FILIP1: variants seen among roughly 807,000 people sequenced by gnomAD.
FILIP1 encodes filamin A interacting protein 1.
Under a neutral mutation model 102.1 loss-of-function variants are expected in FILIP1, and 61 were observed. The observed-to-expected ratio is 0.60, with a 90% CI of 0.49 to 0.74. The LOEUF is 0.74. Ranked by LOEUF, FILIP1 falls within the 30% of genes least tolerant of loss-of-function variation. The probability of loss-of-function intolerance (pLI) is 0.00; values close to 1 mark genes in which losing one functional copy is unlikely to be tolerated. For missense variants in FILIP1, 1,314 were observed against 1,441.2 expected (o/e 0.91, Z 1.43); for synonymous variants, 491 against 526.9 (o/e 0.93, Z 0.93).
intron 2 of FILIP1, among the ~76,000 whole-genome samples, chr6:75,365,632 C>A (rs1464404347): frequency 3.9e-5 from 6 of 152,244 alleles, no homozygotes; most frequent in Middle Eastern, 3.4e-3. Context: ...GGTGATCTGC[C>A]CGCCTCGGCC....
intron 2 of FILIP1, among the ~76,000 whole-genome samples, chr6:75,410,548 T>G (rs1451799884): frequency 3.3e-5 from 5 of 152,054 alleles, no homozygotes; most frequent in African/African-American, 9.7e-5. Flanking sequence ...TCCATTCCCT[T>G]GCCCTGCAAC....
chr6:75,483,927 T>C (rs1779715540), intron 1 of FILIP1, among the ~76,000 whole-genome samples: 2 of 152,136 alleles, frequency 1.3e-5, no homozygotes, highest in Admixed American at 1.3e-4. Context: ...ATCTGTAAAA[T>C]ATATAGTATA....
chr6:75,405,657 G>C (rs941176192), intron 2 of FILIP1, among the ~76,000 whole-genome samples: 1 of 152,166 alleles, frequency 6.6e-6, no homozygotes, highest in African/African-American at 2.4e-5. Context: ...GAGGGGAAGG[G>C]CTTCTTATCC....
chr6:75,336,345 T>C (rs1774241755), intron 4 of FILIP1, among the ~76,000 whole-genome samples: 1 of 152,166 alleles, frequency 6.6e-6, no homozygotes, highest in African/African-American at 2.4e-5. Flanking sequence ...AGGGCTGTTA[T>C]GAGAATTAAA....
chr6:75,460,724 G>A (rs1778997165), intron 1 of FILIP1, among the ~76,000 whole-genome samples: 1 of 152,106 alleles, frequency 6.6e-6, no homozygotes, highest in Non-Finnish European at 1.5e-5. Context: ...CCTCATTATA[G>A]GTTTTTGTGC....
chr6:75,364,515 C>T (rs1014801999), intron 2 of FILIP1, among the ~76,000 whole-genome samples: 2 of 152,178 alleles, frequency 1.3e-5, no homozygotes, highest in Non-Finnish European at 2.9e-5. Context: ...TGCTATTGGT[C>T]TTCAGGCAGA....
chr6:75,474,925 TCTCTC>T (rs1338718130), intron 1 of FILIP1, among the ~76,000 whole-genome samples: 3 of 151,874 alleles, frequency 2.0e-5, no homozygotes, highest in South Asian at 2.1e-4. Flanking sequence ...CCCACCCCCT[TCTCTC>T]CTGCTCCTGC....
At chr6:75,486,054 C>T (rs1779780350) in intron 1 of FILIP1, among the ~76,000 whole-genome samples, 1 of 151,510 alleles carries the variant, frequency 6.6e-6, no homozygotes, top group Non-Finnish European at 1.5e-5. Context: ...GTATTGCTAC[C>T]AACAACGGGG....
chr6:75,313,080 G>C lies in FILIP1; in HGVS notation c.2752C>G (p.His918Asp), dbSNP rs745925832. The C allele has an allele frequency of 5.0e-6, 8 of 1,614,178 alleles. No individual in the cohort carries two copies. The Admixed American group carries it at 1.2e-4, about 24-fold the overall frequency. ...TCCAAAGTCGCAGTGCTGTTCTCGT[G>C]GTCTGGTGTCACTCGAATATGCAGG... ...QPLHIRVTPD[H>D]ENSTATLEIT... Residue 918 changes from histidine (H) to aspartate (D), a missense_variant, in exon 5 of 6, where the codon CAC (histidine) becomes GAC (aspartate). By Grantham distance (81) the His-to-Asp change is moderately conservative (BLOSUM62 -1). Coordinates refer to ENST00000237172, the MANE Select transcript of FILIP1 (RefSeq NM_015687.5). This position sits in a 1 kb window ranked among gnomAD's most constrained non-coding sequence, Gnocchi z 4.2.
chr6:75,300,265 C>T (rs999578440), intron 6 of FILIP1, among the ~76,000 whole-genome samples: 1 of 152,118 alleles, frequency 6.6e-6, no homozygotes, highest in Non-Finnish European at 1.5e-5. Flanking sequence ...TTGCTTTATC[C>T]ACAGGAAGCT....
chr6:75,425,339 C>T (rs900044214), intron 1 of FILIP1, among the ~76,000 whole-genome samples: 6 of 152,108 alleles, frequency 3.9e-5, no homozygotes, highest in Admixed American at 1.3e-4. Flanking sequence ...AATTAAGGTG[C>T]GCTAGAAATT....
intron 2 of FILIP1, among the ~76,000 whole-genome samples, chr6:75,368,097 G>C (rs986552978): frequency 6.6e-6 from 1 of 152,182 alleles, no homozygotes; most frequent in Non-Finnish European, 1.5e-5. Flanking sequence ...AGACACAGCT[G>C]TCACACCATT....
intron 1 of FILIP1, among the ~76,000 whole-genome samples, chr6:75,432,449 T>C (rs1777854939): frequency 6.6e-6 from 1 of 152,240 alleles, no homozygotes; most frequent in Non-Finnish European, 1.5e-5. Context: ...ATTGAAAAGA[T>C]AAATCACAGA....
chr6:75,375,247 C>T (rs1451291088), intron 2 of FILIP1, among the ~76,000 whole-genome samples: 1 of 152,246 alleles, frequency 6.6e-6, no homozygotes, highest in Non-Finnish European at 1.5e-5. Flanking sequence ...AGCACCACAG[C>T]TTCAGCAGTA....
chr6:75,323,122 T>C (rs1282207789), intron 4 of FILIP1, among the ~76,000 whole-genome samples: 1 of 152,218 alleles, frequency 6.6e-6, no homozygotes, highest in Non-Finnish European at 1.5e-5. Flanking sequence ...TTTTTTGCCA[T>C]TTAGAAAACT....
chr6:75,491,330 G>C (rs1031959542), intron 1 of FILIP1, among the ~76,000 whole-genome samples: 2 of 152,160 alleles, frequency 1.3e-5, no homozygotes, highest in Non-Finnish European at 2.9e-5. Flanking sequence ...CCTTGTTGTT[G>C]AGTCATGGTA....
At chr6:75,317,366 T>C (rs912908203) in intron 4 of FILIP1, among the ~76,000 whole-genome samples, 1 of 152,120 alleles carries the variant, frequency 6.6e-6, no homozygotes, top group Non-Finnish European at 1.5e-5. Context: ...CCATATAGAA[T>C]TGTTGTGAAG....
At chr6:75,433,740 G>A (rs1777911674) in intron 1 of FILIP1, among the ~76,000 whole-genome samples, 2 of 152,182 alleles carry the variant, frequency 1.3e-5, no homozygotes, top group Admixed American at 1.3e-4. Context: ...TGCTTTTGGT[G>A]TTTTGGTCAT....
chr6:75,465,283 T>C, intron 1 of FILIP1: 2 of 314,952 alleles, frequency 6.4e-6, no homozygotes, highest in South Asian at 3.5e-5. Context: ...GGCTAACAAT[T>C]GGGCCTCCAA....
Sources: gnomAD v4.1 joint callset for allele counts (sites outside exome capture counted in the v4.1 genomes callset) on GRCh38, gnomAD v4.1.1 for gene constraint, Gnocchi (gnomAD v3.1) non-coding constraint, MANE v1.5 for transcripts, NCBI Gene and HGNC (gene_info 2026-07-23, HGNC 2026-07-21) for gene names.